Variants in SNRNP48 observed in about 807,000 individuals in gnomAD.
SNRNP48 encodes the protein U11/U12 small nuclear ribonucleoprotein 48 kDa protein.
SNRNP48 carries 43 observed loss-of-function variants against 47.0 expected under a neutral mutation model. That is an observed-to-expected ratio of 0.92 (90% CI 0.72 to 1.18). The LOEUF (loss-of-function observed/expected upper bound fraction) is 1.18. Ranked by LOEUF, SNRNP48 falls within the 50% of genes most tolerant of loss-of-function variation. The pLI, the probability that SNRNP48 is intolerant of heterozygous loss-of-function variation, is 0.00. For synonymous variants in SNRNP48, 138 were observed against 144.0 expected, an observed-to-expected ratio of 0.96 and a Z score of 0.30; for missense variants, 396 against 422.2, an observed-to-expected ratio of 0.94 and a Z score of 0.54.
chr6:7,596,819 G>A (rs943915954), intron 4 of SNRNP48, among the ~76,000 whole-genome samples: 5 of 152,152 alleles, frequency 3.3e-5, no homozygotes, highest in Non-Finnish European at 7.3e-5. Flanking sequence ...TCCCCTGGTA[G>A]TGTACCCATA....
intron 4 of SNRNP48, among the ~76,000 whole-genome samples, chr6:7,597,333 C>A (rs1759921357): frequency 6.6e-6 from 1 of 152,156 alleles, no homozygotes; most frequent in Non-Finnish European, 1.5e-5. Context: ...TTTATGATGT[C>A]TTTCATGATT....
chr6:7,603,394 C>T (rs1760067519), intron 6 of SNRNP48, among the ~76,000 whole-genome samples: 1 of 152,134 alleles, frequency 6.6e-6, no homozygotes, highest in Non-Finnish European at 1.5e-5. Flanking sequence ...TGCCCAGACT[C>T]TACAAATAAT....
chr6:7,605,926 C>T, intron 7 of SNRNP48, 105 bp from the exon 8 acceptor site: 1 of 1,161,408 alleles, frequency 8.6e-7, no homozygotes, highest in Non-Finnish European at 1.2e-6. Flanking sequence ...CCATATCTAC[C>T]ATTGGTTTGA....
At chr6:7,594,900 G>A (rs1759876016) in intron 3 of SNRNP48, 127 bp from the exon 4 acceptor site, 2 of 690,480 alleles carry the variant, frequency 2.9e-6, no homozygotes, top group African/African-American at 3.8e-5. Context: ...CAGGGATGTG[G>A]ATGTTTCTTA....
intron 4 of SNRNP48, among the ~76,000 whole-genome samples, chr6:7,596,053 C>T (rs113072585): frequency 6.6e-6 from 1 of 152,150 alleles, no homozygotes; most frequent in African/African-American, 2.4e-5. Context: ...CATCTGAGGT[C>T]AGAAGTTCAA....
intron 6 of SNRNP48, among the ~76,000 whole-genome samples, chr6:7,604,252 C>T (rs984828451): frequency 5.9e-5 from 9 of 152,214 alleles, no homozygotes; most frequent in African/African-American, 1.7e-4. Flanking sequence ...CATGTCACTC[C>T]GCTAGGTTGG....
chr6:7,604,820 A>C (rs1409599797), intron 6 of SNRNP48, among the ~76,000 whole-genome samples: 3 of 152,192 alleles, frequency 2.0e-5, no homozygotes, highest in African/African-American at 7.2e-5. Flanking sequence ...TGTATGTTTC[A>C]TATTTTGTCT....
rs185782198 is a variant in SNRNP48, at chr6:7,594,015, A to G, written c.271-84A>G. On this transcript the variant is annotated intron_variant, in intron 2 of 8. Coordinates refer to ENST00000342415, the MANE Select transcript of SNRNP48 (RefSeq NM_152551.4). ...CACAAATTATTGTGAGAAATAATTA[A>G]GTGATACTAATCTATTGTTTAGGTC... is the stretch of plus-strand genomic sequence containing the variant. 1.0e-4 allele frequency: 100 copies of G among 989,006 alleles called. No homozygotes were observed. In the African/African-American group the frequency reaches 1.5e-3, roughly 15 times the overall value. 61.3% of individuals were successfully genotyped at this position (989,006 alleles called of 1,614,324 possible). A position where few individuals can be genotyped will look rare whatever the true frequency, so the allele number is the denominator to read the frequency against.
At chr6:7,590,537 C>G in intron 1 of SNRNP48, 124 bp downstream of exon 1, 1 of 1,104,640 alleles carries the variant, frequency 9.1e-7, no homozygotes, top group Non-Finnish European at 1.1e-6. Flanking sequence ...TGTGCAGAGC[C>G]GCGATGGGCG....
In SNRNP48 at chr6:7,601,353, C is replaced by T; in HGVS notation, c.424C>T (p.Pro142Ser). The change falls in exon 5 of 9, where the codon CCT (proline) becomes TCT (serine). Residue 142 changes from proline to serine, a missense_variant. By Grantham distance (74) the Pro-to-Ser change is moderately conservative. Transcript: ENST00000342415. ...CYNQRIYSSL[P>S]VEVPLNHKRF... ...TACTTTAGGAATTTATTCTTCATTG[C>T]CTGTTGAAGTTCCTTTGAATCACAA... 6.4e-7 allele frequency: 1 copy of T among 1,570,990 alleles called. No homozygotes were observed. Among genetic ancestry groups the T allele is most frequent in the South Asian group, 1.2e-5 (1 of 81,914 alleles).
chr6:7,602,879 C>A, intron 6 of SNRNP48, 135 bp downstream of exon 6: 1 of 680,424 alleles, frequency 1.5e-6, no homozygotes, highest in Non-Finnish European at 2.3e-6. Flanking sequence ...TGTATCTGTT[C>A]CATCACTTCT....
At chr6:7,605,885 T>C in intron 7 of SNRNP48, 146 bp from the exon 8 acceptor site, 1 of 913,574 alleles carries the variant, frequency 1.1e-6, no homozygotes, top group Middle Eastern at 2.3e-4. Flanking sequence ...TTTGTCCTTT[T>C]ATATGGGTTA....
chr6:7,605,111 C>G (rs1006476892), intron 6 of SNRNP48, among the ~76,000 whole-genome samples: 2 of 152,046 alleles, frequency 1.3e-5, no homozygotes, highest in African/African-American at 2.4e-5. Flanking sequence ...ACCTCATAAC[C>G]CTTTATCCCC....
Position 7,599,763 on chromosome 6 carries a change from T to C in SNRNP48, c.407-1573T>C, listed in dbSNP as rs139725030. 4.7e-6 allele frequency: 6 copies of C among 1,271,716 alleles called. No homozygotes were observed. In the East Asian group the frequency reaches 3.3e-4, roughly 71 times the overall value. The allele number at this position is 1,271,716 out of a possible 1,614,324, so 78.8% of individuals were successfully genotyped here. On this transcript the variant is annotated intron_variant, in intron 4 of 8. Transcript: ENST00000342415. Reference sequence around the variant, plus strand: ...ATCCTTTTTGCAAATGATATCCTTTTAAAAGTAAAATTTCTAAACTTTATC... The same window carrying C: ...ATCCTTTTTGCAAATGATATCCTTTCAAAAGTAAAATTTCTAAACTTTATC...
intron 8 of SNRNP48, among the ~76,000 whole-genome samples, chr6:7,608,621 A>AT (rs917860781): frequency 1.1e-4 from 16 of 152,038 alleles, no homozygotes; most frequent in East Asian, 1.9e-4. Flanking sequence ...AATCAAAGTG[A>AT]TTTTTTTTTA....
At chr6:7,596,741 A>T (rs1307369864) in intron 4 of SNRNP48, among the ~76,000 whole-genome samples, 5 of 152,096 alleles carry the variant, frequency 3.3e-5, no homozygotes, top group Non-Finnish European at 7.4e-5. Flanking sequence ...CATTTTATTT[A>T]TTCGGAGAGA....
rs41302891 is a variant in SNRNP48 at position 7,610,885 on chromosome 6, A to G, written c.*2012A>G. 0.041 allele frequency: 5,120 copies of G among 124,830 alleles called. 117 individuals carry two copies. The highest frequency in any genetic ancestry group is 0.063 in the Non-Finnish European group (3,561 of 56,888). The allele number at this position is 124,830 out of a possible 1,614,324, so 7.7% of individuals were successfully genotyped here. A position where few individuals can be genotyped will look rare whatever the true frequency, so the allele number is the denominator to read the frequency against. On this transcript the variant is annotated 3_prime_UTR_variant, in exon 9 of 9. Coordinates refer to ENST00000342415, the MANE Select transcript of SNRNP48 (RefSeq NM_152551.4). Reference sequence around the variant, plus strand: ...ACTTGAGAGCAGGGTTTATGCCTTCATCAGCGTGACCCCTGTGCCTGCAGC... The same window carrying G: ...ACTTGAGAGCAGGGTTTATGCCTTCGTCAGCGTGACCCCTGTGCCTGCAGC...
intron 4 of SNRNP48, among the ~76,000 whole-genome samples, chr6:7,598,053 G>T (rs1413526588): frequency 1.3e-5 from 2 of 151,146 alleles, no homozygotes; most frequent in Non-Finnish European, 3.0e-5. Flanking sequence ...TTTTTTAGTA[G>T]AGACGGGGTT....
At chr6:7,597,315 CA>C (rs1759920960) in intron 4 of SNRNP48, among the ~76,000 whole-genome samples, 1 of 152,166 alleles carries the variant, frequency 6.6e-6, no homozygotes, top group Non-Finnish European at 1.5e-5. Context: ...AGATATTGCT[CA>C]AATTTATTTA....
Sources: allele counts gnomAD v4.1 joint callset (sites outside exome capture counted in the v4.1 genomes callset), GRCh38; gene constraint gnomAD v4.1.1; transcripts MANE v1.5; gene names NCBI Gene and HGNC (gene_info 2026-07-23, HGNC 2026-07-21).